CFAP144: variants seen among roughly 807,000 people sequenced by gnomAD.
CFAP144 encodes the protein cilia- and flagella-associated protein 144.
At chr1:43,151,161 AACTC>A in the CFAP144 span, among the ~76,000 whole-genome samples, 95 of 152,302 alleles carry the variant, frequency 6.2e-4, no homozygotes, top group Middle Eastern at 3.4e-3. Flanking sequence ...AAGCTGTACT[AACTC>A]AGTTCAAATC....
At chr1:43,153,426 A>C in the CFAP144 span, among the ~76,000 whole-genome samples, 1 of 152,278 alleles carries the variant, frequency 6.6e-6, no homozygotes, top group Admixed American at 6.5e-5. Context: ...CCTGGCCAAC[A>C]TAGTGAAATC....
the CFAP144 span, chr1:43,152,646 G>T: frequency 1.8e-6 from 1 of 571,360 alleles, no homozygotes; most frequent in Non-Finnish European, 3.0e-6. Flanking sequence ...CAGAGTTTGA[G>T]CTCACCACAT....
the CFAP144 span, among the ~76,000 whole-genome samples, chr1:43,143,837 C>G: frequency 1.3e-5 from 2 of 151,914 alleles, no homozygotes; most frequent in South Asian, 2.1e-4. Flanking sequence ...GGCAAAGCTG[C>G]TGGTCTGCGC....
the CFAP144 span, among the ~76,000 whole-genome samples, chr1:43,151,687 C>A: frequency 6.6e-6 from 1 of 152,226 alleles, no homozygotes; most frequent in Non-Finnish European, 1.5e-5. Flanking sequence ...AAACCTGATC[C>A]CTCTTGGAAA....
chr1:43,154,717 A>T, the CFAP144 span, among the ~76,000 whole-genome samples: 1 of 152,228 alleles, frequency 6.6e-6, no homozygotes. Context: ...AGACTTTTCC[A>T]AGTGGGGAAA....
chr1:43,146,282 A>AGTT, the CFAP144 span, among the ~76,000 whole-genome samples: 1 of 152,220 alleles, frequency 6.6e-6, no homozygotes, highest in Admixed American at 6.5e-5. Context: ...AATCATTGAC[A>AGTT]AATTGGATAT....
the CFAP144 span, among the ~76,000 whole-genome samples, chr1:43,147,507 T>C: frequency 6.6e-6 from 1 of 152,202 alleles, no homozygotes; most frequent in East Asian, 1.9e-4. Context: ...ACCTCCGGTT[T>C]TTTTGTGAGG....
At chr1:43,150,675 G>A in the CFAP144 span, 2 of 1,186,722 alleles carry the variant, frequency 1.7e-6, no homozygotes, top group Non-Finnish European at 2.4e-6. Context: ...AGTGCCAAAT[G>A]GGTGCCCTGT....
the CFAP144 span, among the ~76,000 whole-genome samples, chr1:43,150,976 G>T: frequency 6.6e-6 from 1 of 151,824 alleles, no homozygotes; most frequent in Non-Finnish European, 1.5e-5. Flanking sequence ...CAAAAAAGAC[G>T]GATACTCAGA....
the CFAP144 span, among the ~76,000 whole-genome samples, chr1:43,149,751 C>T: frequency 1.5e-3 from 221 of 152,286 alleles, 1 homozygote; most frequent in African/African-American, 4.8e-3. Flanking sequence ...GTATTGATTA[C>T]TTTTATTTAT....
At chr1:43,155,489 G>A in the CFAP144 span, among the ~76,000 whole-genome samples, 2 of 152,146 alleles carry the variant, frequency 1.3e-5, no homozygotes, top group Non-Finnish European at 2.9e-5. Context: ...AGTTGCAGAG[G>A]GTCTGCAAAT....
At chr1:43,152,373 T>C in the CFAP144 span, among the ~76,000 whole-genome samples, 3 of 152,220 alleles carry the variant, frequency 2.0e-5, no homozygotes, top group Admixed American at 2.0e-4. Context: ...GTGCTCTTCC[T>C]CTGCCTCTTC....
At chr1:43,154,575 T>C in the CFAP144 span, among the ~76,000 whole-genome samples, 2 of 151,906 alleles carry the variant, frequency 1.3e-5, no homozygotes, top group Non-Finnish European at 2.9e-5. Context: ...TGTTAAAATA[T>C]GTATTCAATG....
the CFAP144 span, chr1:43,152,673 G>A: frequency 2.8e-6 from 2 of 708,742 alleles, no homozygotes; most frequent in African/African-American, 3.6e-5. Context: ...TGAAAGATGA[G>A]TGGAGAGACC....
At chr1:43,150,397 G>T in the CFAP144 span, among the ~76,000 whole-genome samples, 1 of 152,246 alleles carries the variant, frequency 6.6e-6, no homozygotes, top group African/African-American at 2.4e-5. Context: ...CATCAGTGAT[G>T]AAAATGTTCT....
the CFAP144 span, among the ~76,000 whole-genome samples, chr1:43,154,498 G>A: frequency 1.3e-4 from 20 of 151,098 alleles, no homozygotes; most frequent in Admixed American, 1.3e-3. Flanking sequence ...TGGTTAGAGA[G>A]CTGGAGAAGA....
chr1:43,152,428 C>T, the CFAP144 span, among the ~76,000 whole-genome samples: 1 of 152,170 alleles, frequency 6.6e-6, no homozygotes, highest in South Asian at 2.1e-4. Context: ...CTTCTCTCGC[C>T]ACCCCATCTA....
chr1:43,145,272 AAC>A, the CFAP144 span: 2 of 1,550,276 alleles, frequency 1.3e-6, no homozygotes, highest in Non-Finnish European at 8.7e-7. Flanking sequence ...TGAAGAGTGG[AAC>A]ACATCTAATG....
chr1:43,155,425 G>A, the CFAP144 span, among the ~76,000 whole-genome samples: 9 of 152,178 alleles, frequency 5.9e-5, no homozygotes, highest in Admixed American at 3.9e-4. Context: ...TCAGACCTTC[G>A]TAGGCTCTGC....
Sources: allele counts gnomAD v4.1 joint callset (sites outside exome capture counted in the v4.1 genomes callset), GRCh38; gene constraint gnomAD v4.1.1; transcripts MANE v1.5; gene names NCBI Gene and HGNC (gene_info 2026-07-23, HGNC 2026-07-21).